Variants in TGFBRAP1 observed in about 807,000 individuals in gnomAD.
The protein encoded by TGFBRAP1 is transforming growth factor-beta receptor-associated protein 1.
TGFBRAP1 carries 20 observed loss-of-function variants against 83.2 expected under a neutral mutation model. The observed-to-expected ratio is 0.24, with a 90% CI of 0.17 to 0.35. TGFBRAP1 has a LOEUF of 0.35. Among genes scored for constraint, TGFBRAP1 ranks in the 10% least tolerant of loss-of-function variants. TGFBRAP1 has a pLI of 1.00. For synonymous variants in TGFBRAP1, 415 were observed against 459.8 expected (o/e 0.90, Z 1.25); for missense variants, 950 against 1,099.4 (o/e 0.86, Z 1.92).
chr2:105,272,303 A>G (rs985239968), intron 10 of TGFBRAP1, among the ~76,000 whole-genome samples: 1 of 152,174 alleles, frequency 6.6e-6, no homozygotes, highest in African/African-American at 2.4e-5. Flanking sequence ...TTAGAGCTCG[A>G]GGGACCTGAG....
chr2:105,315,717 G>T (rs1240543334), intron 1 of TGFBRAP1, among the ~76,000 whole-genome samples: 1 of 152,174 alleles, frequency 6.6e-6, no homozygotes, highest in Non-Finnish European at 1.5e-5. Context: ...TGTTAATGAG[G>T]ATGTAGAACA....
intron 1 of TGFBRAP1, among the ~76,000 whole-genome samples, chr2:105,315,863 T>C (rs770647797): frequency 2.0e-5 from 3 of 152,190 alleles, no homozygotes; most frequent in Non-Finnish European, 4.4e-5. Flanking sequence ...CTTGGGTATA[T>C]ATCTATATCC....
intron 11 of TGFBRAP1, among the ~76,000 whole-genome samples, chr2:105,268,996 G>A (rs955158389): frequency 7.2e-5 from 11 of 152,186 alleles, no homozygotes; most frequent in South Asian, 4.1e-4. Flanking sequence ...CTGGGTAAGC[G>A]CCTGATATTC....
rs11676273 is a variant in TGFBRAP1 at position 105,272,892 on chromosome 2, G to A, written c.1935C>T (p.Leu645=). Residue 645 remains leucine, a synonymous_variant, in exon 10 of 12, where the codon CTC becomes CTT. Transcript: ENST00000393359. Reference sequence around the variant, plus strand: ...GGACTCGGTATAAATCAGATTTCTGGAGCAGCCGCCGCAGCTTGGCCTGCG... The same window carrying A: ...GGACTCGGTATAAATCAGATTTCTGAAGCAGCCGCCGCAGCTTGGCCTGCG... The part of the protein sequence containing the change: ...TETQAKLRRL[L]QKSDLYRVHF... 0.19 allele frequency: 308,539 copies of A among 1,609,030 alleles called. 31,715 individuals are homozygous for A. Among genetic ancestry groups the A allele is most frequent in the Admixed American group, 0.21 (12,804 of 59,856 alleles).
the TGFBRAP1 span, among the ~76,000 whole-genome samples, chr2:105,256,680 T>C: frequency 6.6e-6 from 1 of 152,186 alleles, no homozygotes; most frequent in Admixed American, 6.5e-5. Context: ...GCATTTTCCA[T>C]GTATGTTAGT....
In TGFBRAP1 at chr2:105,272,872, C is replaced by T. The variant is rs200043372; in HGVS notation, c.1955G>A (p.Arg652Gln). ...RRLLQKSDLY[R>Q]VHFLLERLQG... ...ATCCTCACCGAGAAGAAAGTGGACT[C>T]GGTATAAATCAGATTTCTGGAGCAG... is the stretch of plus-strand genomic sequence containing the variant. Residue 652 changes from arginine (R) to glutamine (Q), a missense_variant, in exon 10 of 12, where the codon CGA becomes CAA. Physicochemically the swap from Arg to Gln is conservative, Grantham distance 43. Transcript: ENST00000393359. 3.4e-5 allele frequency: 54 copies of T among 1,608,062 alleles called. No individual in the cohort carries two copies. The African/African-American group carries it at 3.6e-4, about 11-fold the overall frequency.
At chr2:105,258,126 A>G in the TGFBRAP1 span, among the ~76,000 whole-genome samples, 1 of 152,208 alleles carries the variant, frequency 6.6e-6, no homozygotes, top group Non-Finnish European at 1.5e-5. Flanking sequence ...TTGCATGAAC[A>G]TGATCATAAA....
At chr2:105,267,729 C>T in intron 11 of TGFBRAP1, 170 bp from the exon 12 acceptor site, 1 of 985,326 alleles carries the variant, frequency 1.0e-6, no homozygotes, top group Non-Finnish European at 1.2e-6. Context: ...TAAATAAAAC[C>T]ATCCTTAGTA....
intron 1 of TGFBRAP1, among the ~76,000 whole-genome samples, chr2:105,313,402 A>G (rs1194485723): frequency 1.3e-5 from 2 of 152,228 alleles, no homozygotes; most frequent in Non-Finnish European, 2.9e-5. Context: ...CACTGGCTAC[A>G]TTCTGATTTA....
intron 5 of TGFBRAP1, among the ~76,000 whole-genome samples, chr2:105,281,185 T>C (rs10171169): frequency 0.026 from 3,985 of 152,288 alleles, 199 homozygotes; most frequent in African/African-American, 0.091. Flanking sequence ...AAACAGTAAC[T>C]TACAACTTCC....
At chr2:105,289,656 C>T (rs998948186) in intron 4 of TGFBRAP1, among the ~76,000 whole-genome samples, 2 of 152,248 alleles carry the variant, frequency 1.3e-5, no homozygotes, top group Non-Finnish European at 2.9e-5. Context: ...GGCTGCACAG[C>T]GCTGCAGCAC....
chr2:105,288,588 G>A (rs1677794054), intron 4 of TGFBRAP1, among the ~76,000 whole-genome samples: 5 of 152,136 alleles, frequency 3.3e-5, no homozygotes, highest in Admixed American at 3.3e-4. Flanking sequence ...AGGAATATAT[G>A]AGACATAAGT....
chr2:105,329,714 C>A lies in TGFBRAP1; in HGVS notation c.-107G>T. ...CGCGGCTCCTGGGCTGGCCCGACCCCGCAGCCGCCGCTTCCCGTCACGTGG... is the reference window on the plus strand; with the variant it reads ...CGCGGCTCCTGGGCTGGCCCGACCCAGCAGCCGCCGCTTCCCGTCACGTGG... On this transcript the variant is annotated 5_prime_UTR_variant, in exon 1 of 12. Coordinates refer to ENST00000393359, the MANE Select transcript of TGFBRAP1 (RefSeq NM_004257.6). 6.8e-6 allele frequency: 1 copy of A among 147,526 alleles called. No homozygotes were observed. The highest frequency in any genetic ancestry group is 1.8e-4 in the South Asian group (1 of 5,426). 9.1% of individuals were successfully genotyped at this position (147,526 alleles called of 1,614,324 possible).
chr2:105,272,640 AG>A (rs1191046974), intron 10 of TGFBRAP1, among the ~76,000 whole-genome samples: 3 of 152,142 alleles, frequency 2.0e-5, no homozygotes, highest in Non-Finnish European at 2.9e-5. Context: ...AGGAGGCAGA[AG>A]CAGGAAGATC....
chr2:105,295,286 T>C (rs1034859955), intron 4 of TGFBRAP1, among the ~76,000 whole-genome samples: 1 of 152,180 alleles, frequency 6.6e-6, no homozygotes, highest in African/African-American at 2.4e-5. Flanking sequence ...TCCACAACAA[T>C]TACACTGTCT....
At chr2:105,302,298 A>G (rs954455694) in intron 2 of TGFBRAP1, among the ~76,000 whole-genome samples, 2 of 152,172 alleles carry the variant, frequency 1.3e-5, no homozygotes, top group Non-Finnish European at 2.9e-5. Flanking sequence ...GCAATACCTC[A>G]CATTTATACT....
At chr2:105,297,018 T>C (rs1341348861) in intron 3 of TGFBRAP1, among the ~76,000 whole-genome samples, 3 of 152,106 alleles carry the variant, frequency 2.0e-5, no homozygotes, top group African/African-American at 7.2e-5. Flanking sequence ...AGTCTTGCCA[T>C]TAATGTATTC....
At chr2:105,313,622 C>T (rs1678760893) in intron 1 of TGFBRAP1, among the ~76,000 whole-genome samples, 1 of 151,906 alleles carries the variant, frequency 6.6e-6, no homozygotes, top group African/African-American at 2.4e-5. Flanking sequence ...GATAAGGATA[C>T]AGGAAAAAAG....
intron 1 of TGFBRAP1, among the ~76,000 whole-genome samples, chr2:105,321,605 T>G (rs1001196697): frequency 6.6e-6 from 1 of 152,228 alleles, no homozygotes; most frequent in Non-Finnish European, 1.5e-5. Flanking sequence ...CATAGACAGA[T>G]AGCAATGTCC....
Sources: gnomAD v4.1 joint callset for allele counts (sites outside exome capture counted in the v4.1 genomes callset) on GRCh38, gnomAD v4.1.1 for gene constraint, MANE v1.5 for transcripts, NCBI Gene and HGNC (gene_info 2026-07-23, HGNC 2026-07-21) for gene names.